GLS2: variants seen among roughly 807,000 people sequenced by gnomAD.
The protein encoded by GLS2 is glutaminase 2.
In GLS2, 52 loss-of-function variants were observed where a neutral mutation model predicts 79.0. The observed-to-expected ratio is 0.66, with a 90% CI of 0.53 to 0.83. GLS2 has a LOEUF of 0.83. Ranked by LOEUF, GLS2 falls within the 40% of genes least tolerant of loss-of-function variation. The pLI is 0.00. For missense variants in GLS2, 561 were observed against 764.8 expected, an observed-to-expected ratio of 0.73 and a Z score of 3.14; for synonymous variants, 238 against 280.8, an observed-to-expected ratio of 0.85 and a Z score of 1.52.
Position 56,473,572 on chromosome 12 carries a change from G to T in GLS2, c.1247C>A (p.Ala416Asp). ...CACCAGGAGGATGGCTCCTGATACAGCTGACTTGGCTGGCAGGCCCACCTG... is the reference window on the plus strand; with the variant it reads ...CACCAGGAGGATGGCTCCTGATACATCTGACTTGGCTGGCAGGCCCACCTG... Reference protein sequence around the residue: ...AFHVGLPAKSAVSGAILLVVP... With the variant: ...AFHVGLPAKSDVSGAILLVVP... Residue 416 changes from alanine to aspartate, a missense_variant, in exon 13 of 18, where the codon GCT becomes GAT. Ala to Asp is a moderately radical substitution (Grantham distance 126, BLOSUM62 -2). Around this residue, in one of 4 missense-constraint regions of GLS2, gnomAD observed 221 missense variants for 275.6 expected, o/e 0.80. Coordinates refer to ENST00000311966, the MANE Select transcript of GLS2 (RefSeq NM_013267.4). 6.2e-7 allele frequency: 1 copy of T among 1,611,448 alleles called. No homozygotes were observed. Among genetic ancestry groups the T allele is most frequent in the Non-Finnish European group, 8.5e-7 (1 of 1,179,304 alleles).
chr12:56,486,218 G>A (rs913018731), intron 1 of GLS2, among the ~76,000 whole-genome samples: 37 of 152,042 alleles, frequency 2.4e-4, no homozygotes, highest in African/African-American at 8.5e-4. Flanking sequence ...GCACCAGTCC[G>A]AGGATATGAT....
At position 56,479,859 on chromosome 12, in the gene GLS2, G is replaced by A. The variant is rs760560927; in HGVS notation, c.325C>T (p.Arg109Ter). ...CGGTGCATCTCGCTCATGCAGTCTC[G>A]GAGCCGAGGATCTGATGTCTGCAGT... ...TGLQTSDPRL[R>*]DCMSEMHRVV... The change falls in exon 3 of 18, where the codon CGA becomes TGA. Residue 109 changes from arginine to a stop codon, truncating the protein, a stop_gained. Transcript: ENST00000311966. LOFTEE classifies it high-confidence loss of function. 6 of 1,612,822 alleles carry A rather than the reference G, an allele frequency of 3.7e-6. No homozygotes were observed. Among genetic ancestry groups the A allele is most frequent in the South Asian group, 1.1e-5 (1 of 91,004 alleles).
intron 7 of GLS2, 161 bp from the exon 8 acceptor site, chr12:56,476,138 C>T (rs1226520016): frequency 1.6e-6 from 1 of 635,530 alleles, no homozygotes; most frequent in East Asian, 2.8e-5. Context: ...AAACACCGCA[C>T]TTCCATTGGC....
chr12:56,484,799 T>C (rs1002756734), intron 1 of GLS2, among the ~76,000 whole-genome samples: 1 of 152,120 alleles, frequency 6.6e-6, no homozygotes, highest in Non-Finnish European at 1.5e-5. Flanking sequence ...TATAGTATGA[T>C]ACCAAAAAAG....
chr12:56,486,353 C>T (rs923273256), intron 1 of GLS2, among the ~76,000 whole-genome samples: 4 of 152,146 alleles, frequency 2.6e-5, no homozygotes, highest in African/African-American at 7.2e-5. Context: ...CTGCAGAAGG[C>T]GGACAGATGA....
intron 7 of GLS2, 103 bp from the exon 8 acceptor site, chr12:56,476,080 G>A: frequency 3.6e-6 from 4 of 1,103,512 alleles, no homozygotes; most frequent in African/African-American, 1.5e-5. Context: ...TGGTCCTGCT[G>A]CTGCAAATGT....
intron 8 of GLS2, 61 bp from the exon 9 acceptor site, chr12:56,475,743 C>G: frequency 6.4e-7 from 1 of 1,564,738 alleles, no homozygotes. Flanking sequence ...TAATACCTCA[C>G]AGGTTGACTA....
At chr12:56,479,380 A>G in intron 3 of GLS2, 199 bp from the exon 4 acceptor site, 1 of 581,670 alleles carries the variant, frequency 1.7e-6, no homozygotes, top group South Asian at 2.8e-5. Flanking sequence ...AATGATGTGG[A>G]AAGACACTAT....
intron 1 of GLS2, among the ~76,000 whole-genome samples, chr12:56,486,427 T>C (rs1194410799): frequency 1.3e-5 from 2 of 152,054 alleles, no homozygotes; most frequent in Non-Finnish European, 2.9e-5. Context: ...TGGGGGGAAG[T>C]TGGGGTGGAG....
chr12:56,482,254 T>G (rs1025454547), intron 1 of GLS2, among the ~76,000 whole-genome samples: 1 of 151,874 alleles, frequency 6.6e-6, no homozygotes, highest in African/African-American at 2.4e-5. Flanking sequence ...GTAAAATAAA[T>G]AAAACCTGCC....
chr12:56,487,656 AGCAACACTCGGCGC>A (rs1870792605), intron 1 of GLS2: 1 of 508,022 alleles, frequency 2.0e-6, no homozygotes, highest in African/African-American at 2.0e-5. Context: ...ACGTGAGCCA[AGCAACACTCGGCGC>A]GCATCTGTGA....
chr12:56,476,495 T>G (rs1188298942), intron 7 of GLS2: 1 of 158,064 alleles, frequency 6.3e-6, no homozygotes, highest in African/African-American at 2.4e-5. Context: ...GGTTCATGCC[T>G]GTAATCTCAG....
Position 56,473,337 on chromosome 12 carries a change from AAT to A in GLS2, c.1357-19_1357-18del. 1 of 1,613,664 alleles carries A rather than the reference AAT, an allele frequency of 6.2e-7. No individual in the cohort carries two copies. Among genetic ancestry groups the A allele is most frequent in the Middle Eastern group, 1.6e-4 (1 of 6,062 alleles). ...CACCAACTTCTAGAATTGTAAGCCA[AAT>A]ATATTGTTTATTTACTCCTTACACT... On this transcript the variant is annotated intron_variant, in intron 13 of 17. Coordinates refer to ENST00000311966, the MANE Select transcript of GLS2 (RefSeq NM_013267.4).
intron 9 of GLS2, 176 bp downstream of exon 9, chr12:56,475,448 T>A: frequency 1.4e-6 from 1 of 723,590 alleles, no homozygotes. Flanking sequence ...ATGGAACAAA[T>A]TATTTTACAA....
At chr12:56,475,165 AG>A in intron 9 of GLS2, 55 bp from the exon 10 acceptor site, 2 of 1,611,202 alleles carry the variant, frequency 1.2e-6, no homozygotes, top group South Asian at 2.2e-5. Flanking sequence ...TGTTGGGAGA[AG>A]GGGAAAAATT....
At chr12:56,474,023 C>T (rs955411054) in intron 12 of GLS2, 1 of 178,384 alleles carries the variant, frequency 5.6e-6, no homozygotes, top group Non-Finnish European at 1.2e-5. Flanking sequence ...AGCTGAGACC[C>T]CAAGGAGAAG....
chr12:56,476,023 G>A, intron 7 of GLS2, 46 bp from the exon 8 acceptor site: 1 of 1,589,436 alleles, frequency 6.3e-7, no homozygotes, highest in Non-Finnish European at 8.6e-7. Context: ...GTAGGAGGAT[G>A]ACAGAGGGAA....
At chr12:56,487,709 C>T in intron 1 of GLS2, 2 of 570,934 alleles carry the variant, frequency 3.5e-6, no homozygotes, top group East Asian at 3.2e-5. Context: ...CTTGGACAGG[C>T]GCCATCCCCA....
chr12:56,484,336 G>A (rs6581096), intron 1 of GLS2, among the ~76,000 whole-genome samples: 45,771 of 151,964 alleles, frequency 0.3, 7,136 homozygotes, highest in South Asian at 0.49. Context: ...ATAGGTGCCA[G>A]GAAAAAGGGA....
Sources: allele counts gnomAD v4.1 joint callset (sites outside exome capture counted in the v4.1 genomes callset), GRCh38; gene constraint gnomAD v4.1.1; regional missense constraint gnomAD v4.1.1; transcripts MANE v1.5; gene names NCBI Gene and HGNC (gene_info 2026-07-23, HGNC 2026-07-21).